The following RAP1A variants were observed in gnomAD, a reference collection of about 807,000 sequenced individuals.
RAP1A encodes RAP1A, member of RAS oncogene family.
A neutral mutation model predicts 26.4 loss-of-function variants in RAP1A; 6 were observed. The ratio of observed to expected loss-of-function variants is 0.23; its 90% CI spans 0.12 to 0.45. The LOEUF is 0.45. Ranked by LOEUF, RAP1A falls within the 20% of genes least tolerant of loss-of-function variation. The pLI, the probability that RAP1A is intolerant of heterozygous loss-of-function variation, is 0.99. For synonymous variants in RAP1A, 73 were observed against 79.4 expected, an observed-to-expected ratio of 0.92 and a Z score of 0.43; for missense variants, 121 against 217.2, an observed-to-expected ratio of 0.56 and a Z score of 2.78.
At chr1:111,616,771 G>A (rs1380384688), upstream of RAP1A, among the ~76,000 whole-genome samples, 2 of 152,102 alleles carry the variant, frequency 1.3e-5, no homozygotes, top group Admixed American at 6.5e-5. Flanking sequence ...AGAATCACAC[G>A]GCCTTGCTGA....
At chr1:111,655,252 A>AG (rs1557879989) in intron 1 of RAP1A, among the ~76,000 whole-genome samples, 1 of 122,034 alleles carries the variant, frequency 8.2e-6, no homozygotes, top group Non-Finnish European at 1.7e-5. Flanking sequence ...AGAAAAAAAA[A>AG]CAATGCAATA....
At position 111,650,991 on chromosome 1, in the gene RAP1A, A is replaced by T. The variant is rs192773366; in HGVS notation, c.-28+31057A>T. On this transcript the variant is annotated intron_variant, in intron 1 of 7. Transcript: ENST00000369709. ...TAATTTTTTTGTATTTTTAGTACAG[A>T]TGGAGTTTCACCATGTTAGCCAGGA... 2.0e-5 allele frequency among the ~76,000 whole-genome samples: 3 copies of T among 152,112 alleles called. No individual in the cohort carries two copies. In the East Asian group the frequency reaches 5.8e-4, roughly 29 times the overall value.
intron 3 of RAP1A, 46 bp from the exon 4 acceptor site, chr1:111,697,395 A>G (rs756571707): frequency 6.2e-7 from 1 of 1,603,328 alleles, no homozygotes; most frequent in South Asian, 1.1e-5. Flanking sequence ...ACAGAATGAG[A>G]TTTTGATGTT....
intron 6 of RAP1A, 67 bp downstream of exon 6, chr1:111,704,553 C>G (rs918967000): frequency 6.9e-7 from 1 of 1,439,766 alleles, no homozygotes; most frequent in African/African-American, 1.4e-5. Flanking sequence ...AACAGCCAGA[C>G]TTTTAAGAAA....
intron 1 of RAP1A, among the ~76,000 whole-genome samples, chr1:111,555,899 A>C (rs1391516708): frequency 6.6e-6 from 1 of 152,226 alleles, no homozygotes; most frequent in Admixed American, 6.5e-5. Flanking sequence ...CAACAAAAGA[A>C]AAAAATCGAT....
At chr1:111,706,464 A>G (rs958039637) in intron 6 of RAP1A, among the ~76,000 whole-genome samples, 3 of 151,828 alleles carry the variant, frequency 2.0e-5, no homozygotes, top group African/African-American at 7.3e-5. Flanking sequence ...TCATATATAT[A>G]TATATATAAT....
At chr1:111,642,748 AGGAGCTG>A (rs1345029456) in intron 1 of RAP1A, among the ~76,000 whole-genome samples, 1 of 149,068 alleles carries the variant, frequency 6.7e-6, no homozygotes, top group Non-Finnish European at 1.5e-5. Context: ...TGGCCTCCCA[AGGAGCTG>A]GGATTACAGG....
intron 1 of RAP1A, among the ~76,000 whole-genome samples, chr1:111,638,295 C>G (rs1444246013): frequency 6.6e-6 from 1 of 151,916 alleles, no homozygotes; most frequent in Non-Finnish European, 1.5e-5. Flanking sequence ...CTTTTCTTTC[C>G]CATTTTGTTT....
intron 1 of RAP1A, among the ~76,000 whole-genome samples, chr1:111,671,517 C>T (rs898483320): frequency 6.6e-6 from 1 of 151,992 alleles, no homozygotes; most frequent in Non-Finnish European, 1.5e-5. Flanking sequence ...TTTTGTTACC[C>T]AGGTTGTCGT....
chr1:111,552,683 A>G (rs1657316803), intron 1 of RAP1A, among the ~76,000 whole-genome samples: 2 of 152,306 alleles, frequency 1.3e-5, no homozygotes, highest in Non-Finnish European at 2.9e-5. Flanking sequence ...TTATTATACT[A>G]TTTAAAACCA....
At chr1:111,630,018 T>C (rs1424036833) in intron 1 of RAP1A, among the ~76,000 whole-genome samples, 1 of 152,212 alleles carries the variant, frequency 6.6e-6, no homozygotes, top group Non-Finnish European at 1.5e-5. Flanking sequence ...GCCACTATGA[T>C]GGCCTGTTGT....
intron 1 of RAP1A, among the ~76,000 whole-genome samples, chr1:111,594,748 A>AATGAAAATCTTTGGAAATGATTC (rs1203833578): frequency 2.2e-4 from 33 of 152,210 alleles, no homozygotes; most frequent in Non-Finnish European, 2.9e-4. Context: ...CTGATGAATA[A>AATGAAAATCTTTGGAAATGATTC]ATGAAAATCT....
intron 7 of RAP1A, among the ~76,000 whole-genome samples, chr1:111,710,787 C>T (rs1174783721): frequency 6.6e-6 from 1 of 152,224 alleles, no homozygotes; most frequent in Non-Finnish European, 1.5e-5. Context: ...AAGACAGCAT[C>T]TGGCTAATGT....
Position 111,698,393 on chromosome 1 carries a change from T to G in RAP1A, c.183+896T>G, listed in dbSNP as rs550545674. 2.0e-5 allele frequency among the ~76,000 whole-genome samples: 3 copies of G among 152,168 alleles called. No individual in the cohort carries two copies. The South Asian group carries it at 6.2e-4, about 32-fold the overall frequency. On this transcript the variant is annotated intron_variant, in intron 4 of 7. Coordinates refer to ENST00000369709, the MANE Select transcript of RAP1A (RefSeq NM_002884.4). ...AAACAGTCTTCCTGCCTCAGCCTCC[T>G]GGGTAGCTAGAATTAAAGGCACGTA...
intron 1 of RAP1A, among the ~76,000 whole-genome samples, chr1:111,573,906 T>C (rs1266924496): frequency 3.3e-5 from 5 of 152,200 alleles, no homozygotes; most frequent in African/African-American, 1.2e-4. Flanking sequence ...TTCTATACTT[T>C]GTCTGTTTAC....
intron 6 of RAP1A, among the ~76,000 whole-genome samples, chr1:111,705,066 T>C (rs1662146341): frequency 6.6e-6 from 1 of 152,180 alleles, no homozygotes. Flanking sequence ...TGAAAACAGC[T>C]GTGGACAAGA....
chr1:111,599,192 TTTTA>T (rs1305722924), intron 1 of RAP1A, among the ~76,000 whole-genome samples: 2 of 152,158 alleles, frequency 1.3e-5, no homozygotes, highest in East Asian at 1.9e-4. Flanking sequence ...TTTTTATTTA[TTTTA>T]TTTGTCTTTT....
intron 1 of RAP1A, among the ~76,000 whole-genome samples, chr1:111,593,258 T>G (rs1658502122): frequency 2.0e-5 from 3 of 152,146 alleles, no homozygotes; most frequent in African/African-American, 7.2e-5. Context: ...TGTTTACAAG[T>G]TCTGAGTTGT....
At chr1:111,677,045 C>T (rs1483038617) in intron 1 of RAP1A, among the ~76,000 whole-genome samples, 2 of 152,200 alleles carry the variant, frequency 1.3e-5, no homozygotes, top group South Asian at 2.1e-4. Context: ...CCGCCTACCT[C>T]GGCCTCCCAA....
Sources: gnomAD v4.1 joint callset for allele counts (sites outside exome capture counted in the v4.1 genomes callset) on GRCh38, gnomAD v4.1.1 for gene constraint, MANE v1.5 for transcripts, NCBI Gene and HGNC (gene_info 2026-07-23, HGNC 2026-07-21) for gene names.